The following VPS53 variants were observed in gnomAD, a reference collection of about 807,000 sequenced individuals.
VPS53 encodes vacuolar protein sorting-associated protein 53 homolog.
VPS53 carries 70 observed loss-of-function variants against 107.0 expected under a neutral mutation model. The ratio of observed to expected loss-of-function variants is 0.65; its 90% CI spans 0.54 to 0.80. The LOEUF (loss-of-function observed/expected upper bound fraction) is 0.80, where lower values mean the gene tolerates loss of function less well. VPS53 is among the 30% of genes least tolerant of loss of function. The pLI, the probability that VPS53 is intolerant of heterozygous loss-of-function variation, is 0.00. For synonymous variants in VPS53, 409 were observed against 393.3 expected (o/e 1.04, Z -0.47); for missense variants, 917 against 1,049.4 (o/e 0.87, Z 1.74).
chr17:607,555 G>A (rs550395042), intron 11 of VPS53, among the ~76,000 whole-genome samples: 3 of 152,294 alleles, frequency 2.0e-5, no homozygotes, highest in African/African-American at 4.8e-5. Context: ...CACAGATCAC[G>A]CTTCTCAGGC....
intron 2 of VPS53, among the ~76,000 whole-genome samples, chr17:706,266 T>C (rs331000): frequency 0.57 from 87,217 of 151,862 alleles, 25,760 homozygotes; most frequent in Non-Finnish European, 0.64. Flanking sequence ...AGGCCAGGCG[T>C]GGTGGCTCAC....
At chr17:667,993 T>C (rs1477579343) in intron 4 of VPS53, among the ~76,000 whole-genome samples, 3 of 152,176 alleles carry the variant, frequency 2.0e-5, no homozygotes, top group Non-Finnish European at 4.4e-5. Context: ...CCTGAAACCA[T>C]GTCCCCCTCC....
chr17:649,028 TGG>T (rs1970824927), intron 7 of VPS53, among the ~76,000 whole-genome samples: 1 of 11,048 alleles, frequency 9.1e-5, no homozygotes, highest in African/African-American at 3.0e-4. Flanking sequence ...AATCTTACAC[TGG>T]AGGACAGAGG....
intron 13 of VPS53, among the ~76,000 whole-genome samples, chr17:577,822 C>T (rs1288001728): frequency 6.6e-6 from 1 of 151,262 alleles, no homozygotes; most frequent in Admixed American, 6.6e-5. Context: ...TAATGCATTC[C>T]CAGAGAACCT....
intron 2 of VPS53, among the ~76,000 whole-genome samples, chr17:706,442 C>T (rs958381050): frequency 3.3e-5 from 5 of 150,086 alleles, no homozygotes; most frequent in Admixed American, 6.7e-5. Context: ...GAGGCTGAGG[C>T]GGGAGAATCG....
intron 17 of VPS53, chr17:538,663 C>CA (rs951133418): frequency 6.6e-6 from 1 of 152,182 alleles, no homozygotes; most frequent in African/African-American, 2.4e-5. Context: ...CACAGAAAAG[C>CA]AGGAAGGGAC....
intron 4 of VPS53, among the ~76,000 whole-genome samples, chr17:668,638 T>C (rs1288104460): frequency 6.6e-6 from 1 of 152,142 alleles, no homozygotes; most frequent in African/African-American, 2.4e-5. Context: ...ACAGCTCACA[T>C]GGAATTCTGT....
chr17:588,703 C>T (rs1967465592), intron 12 of VPS53, among the ~76,000 whole-genome samples: 2 of 152,342 alleles, frequency 1.3e-5, no homozygotes, highest in African/African-American at 4.8e-5. Flanking sequence ...ATCTGGAAGT[C>T]ACTGCCAAAG....
chr17:519,401 C>CTATGCTGTCTCCAG lies in VPS53; in HGVS notation c.2329-104_2329-103insCTGGAGACAGCATA. Reference sequence around the variant, plus strand: ...ATGGGGTCAGCAGAGGCTCTGGAGACAGCATAGTTACTCCAGGCTGAGGAT... The same window carrying CTATGCTGTCTCCAG: ...ATGGGGTCAGCAGAGGCTCTGGAGACTATGCTGTCTCCAGAGCATAGTTACTCCAGGCTGAGGAT... On this transcript the variant is annotated intron_variant, in intron 21 of 21. Coordinates refer to ENST00000437048, the MANE Select transcript of VPS53 (RefSeq NM_001128159.3). The surrounding 1 kb of genome is among the most constrained non-coding windows in gnomAD (Gnocchi z 5.0). 1 of 1,191,002 alleles carries CTATGCTGTCTCCAG rather than the reference C, an allele frequency of 8.4e-7. No homozygotes were observed. Among genetic ancestry groups the CTATGCTGTCTCCAG allele is most frequent in the Non-Finnish European group, 1.1e-6 (1 of 888,512 alleles). 73.8% of individuals were successfully genotyped at this position (1,191,002 alleles called of 1,614,324 possible).
At chr17:589,783 T>G (rs1162422609) in intron 12 of VPS53, among the ~76,000 whole-genome samples, 1 of 152,152 alleles carries the variant, frequency 6.6e-6, no homozygotes, top group Admixed American at 6.6e-5. Flanking sequence ...ACTGTAGCCT[T>G]GTAGTATAGT....
At chr17:664,966 T>C (rs1027160832) in intron 4 of VPS53, among the ~76,000 whole-genome samples, 1 of 151,954 alleles carries the variant, frequency 6.6e-6, no homozygotes, top group Non-Finnish European at 1.5e-5. Flanking sequence ...GTGTGTGTGG[T>C]GGTGGCGGGG....
intron 4 of VPS53, among the ~76,000 whole-genome samples, chr17:680,188 G>T (rs1437579815): frequency 2.6e-5 from 4 of 152,258 alleles, no homozygotes; most frequent in South Asian, 2.1e-4. Flanking sequence ...CAGCTACTCG[G>T]GAGGCTGAGG....
intron 11 of VPS53, among the ~76,000 whole-genome samples, chr17:607,880 A>G (rs1005321617): frequency 6.6e-6 from 1 of 152,176 alleles, no homozygotes; most frequent in African/African-American, 2.4e-5. Context: ...TCAAGAAGGG[A>G]AAGTCTGGCT....
chr17:534,637 A>C (rs543498353), intron 18 of VPS53, among the ~76,000 whole-genome samples: 2 of 152,184 alleles, frequency 1.3e-5, no homozygotes, highest in East Asian at 3.9e-4. Context: ...CATGCTCCGG[A>C]CTGGGCATGG....
At chr17:665,325 C>T (rs1005039178) in intron 4 of VPS53, among the ~76,000 whole-genome samples, 15 of 152,222 alleles carry the variant, frequency 9.9e-5, no homozygotes, top group African/African-American at 3.1e-4. Flanking sequence ...AGAAAGCCCT[C>T]GCCGCGGGAA....
intron 7 of VPS53, among the ~76,000 whole-genome samples, chr17:636,797 T>C (rs1970214827): frequency 6.6e-6 from 1 of 152,228 alleles, no homozygotes; most frequent in African/African-American, 2.4e-5. Context: ...AGCTTTTTGA[T>C]GTGCTGCTGG....
chr17:645,688 C>T (rs1022658768), intron 7 of VPS53, among the ~76,000 whole-genome samples: 2 of 152,236 alleles, frequency 1.3e-5, no homozygotes, highest in Admixed American at 6.5e-5. Flanking sequence ...AATCCCTATG[C>T]TGGTTTCTGC....
intron 4 of VPS53, among the ~76,000 whole-genome samples, chr17:669,528 G>A (rs890903171): frequency 3.3e-4 from 49 of 150,158 alleles, no homozygotes; most frequent in Non-Finnish European, 6.2e-4. Flanking sequence ...AGGAGGCGGA[G>A]GCTGCAGTGA....
chr17:662,799 A>AAGAAAAAAAAAGAAAG (rs1555575876), intron 4 of VPS53, among the ~76,000 whole-genome samples: 2 of 140,762 alleles, frequency 1.4e-5, no homozygotes, highest in South Asian at 2.4e-4. Flanking sequence ...AAGAAAGAGA[A>AAGAAAAAAAAAGAAAG]AGAAAGAAAA....
Sources: gnomAD v4.1 joint callset for allele counts (sites outside exome capture counted in the v4.1 genomes callset) on GRCh38, gnomAD v4.1.1 for gene constraint, Gnocchi (gnomAD v3.1) non-coding constraint, MANE v1.5 for transcripts, NCBI Gene and HGNC (gene_info 2026-07-23, HGNC 2026-07-21) for gene names.